METAP1: variants seen among roughly 807,000 people sequenced by gnomAD.
The protein encoded by METAP1 is methionine aminopeptidase 1.
METAP1 carries 28 observed loss-of-function variants against 53.8 expected under a neutral mutation model. That is an observed-to-expected ratio of 0.52 (90% CI 0.39 to 0.71). The LOEUF is 0.71. Ranked by LOEUF, METAP1 falls within the 30% of genes least tolerant of loss-of-function variation. The pLI, the probability that METAP1 is intolerant of heterozygous loss-of-function variation, is 0.00. For synonymous variants in METAP1, 181 were observed against 165.7 expected (o/e 1.09, Z -0.71); for missense variants, 389 against 479.8 (o/e 0.81, Z 1.77).
chr4:99,024,703 A>G (rs912558929), intron 1 of METAP1, among the ~76,000 whole-genome samples: 1 of 152,234 alleles, frequency 6.6e-6, no homozygotes, highest in Admixed American at 6.5e-5. Context: ...TGTAGCCTCC[A>G]GCTGCATGAC....
At chr4:99,009,805 C>T (rs1723380755) in intron 1 of METAP1, among the ~76,000 whole-genome samples, 1 of 152,184 alleles carries the variant, frequency 6.6e-6, no homozygotes. Flanking sequence ...CAAATCTTTT[C>T]TCCTATTCCA....
At chr4:99,033,726 G>A (rs1254382897) in intron 2 of METAP1, among the ~76,000 whole-genome samples, 1 of 152,200 alleles carries the variant, frequency 6.6e-6, no homozygotes, top group Non-Finnish European at 1.5e-5. Flanking sequence ...TGACTTGAAA[G>A]CAATTGATCA....
At chr4:99,039,111 T>A in intron 4 of METAP1, 1 of 282,266 alleles carries the variant, frequency 3.5e-6, no homozygotes, top group Non-Finnish European at 6.6e-6. Context: ...TGGCATATAA[T>A]AAGTACTCTA....
chr4:99,004,583 C>A (rs2110278149), intron 1 of METAP1, among the ~76,000 whole-genome samples: 1 of 152,180 alleles, frequency 6.6e-6, no homozygotes, highest in East Asian at 1.9e-4. Flanking sequence ...TACCTACCAT[C>A]TAACTTATTA....
intron 4 of METAP1, among the ~76,000 whole-genome samples, chr4:99,038,933 T>C (rs1193759168): frequency 6.6e-6 from 1 of 152,180 alleles, no homozygotes; most frequent in Non-Finnish European, 1.5e-5. Flanking sequence ...GGTCACAAAC[T>C]GGAGATTGAA....
intron 3 of METAP1, among the ~76,000 whole-genome samples, chr4:99,034,811 TATG>T (rs1437593889): frequency 6.6e-6 from 1 of 152,168 alleles, no homozygotes; most frequent in Non-Finnish European, 1.5e-5. Flanking sequence ...ATTATTTTAT[TATG>T]ATATATTTCT....
At chr4:99,018,267 T>C (rs1259587688) in intron 1 of METAP1, among the ~76,000 whole-genome samples, 1 of 152,236 alleles carries the variant, frequency 6.6e-6, no homozygotes, top group Non-Finnish European at 1.5e-5. Flanking sequence ...TTCTACATAT[T>C]GGAGCTCTTC....
chr4:99,002,706 CT>C (rs951825719), intron 1 of METAP1, among the ~76,000 whole-genome samples: 119 of 152,286 alleles, frequency 7.8e-4, no homozygotes, highest in African/African-American at 2.8e-3. Context: ...AGTAACCTGA[CT>C]TATTGCAAGG....
At chr4:99,035,580 T>C in intron 4 of METAP1, 120 bp downstream of exon 4, 1 of 716,680 alleles carries the variant, frequency 1.4e-6, no homozygotes. Context: ...AAATGTGTTT[T>C]CAAGCACCAT....
chr4:99,029,512 T>C (rs1724835714), intron 2 of METAP1, among the ~76,000 whole-genome samples: 1 of 152,224 alleles, frequency 6.6e-6, no homozygotes, highest in Non-Finnish European at 1.5e-5. Flanking sequence ...TAATTTATCC[T>C]GTAAATTCAT....
chr4:99,000,681 A>T (rs1722876240), intron 1 of METAP1, among the ~76,000 whole-genome samples: 1 of 150,566 alleles, frequency 6.6e-6, no homozygotes, highest in Admixed American at 6.6e-5. Flanking sequence ...TTTAAATAAC[A>T]AGACAGTTTT....
chr4:99,005,892 G>A, intron 1 of METAP1: 1 of 284,218 alleles, frequency 3.5e-6, no homozygotes, highest in Non-Finnish European at 7.0e-6. Flanking sequence ...CATTCGGAGT[G>A]GTATAATGGA....
chr4:99,050,564 C>T (rs1025652066), intron 9 of METAP1, among the ~76,000 whole-genome samples: 5 of 152,256 alleles, frequency 3.3e-5, no homozygotes, highest in African/African-American at 7.2e-5. Flanking sequence ...GCCCCTGGGC[C>T]GCAGACAGGT....
chr4:98,999,989 A>G (rs1157739689), intron 1 of METAP1, among the ~76,000 whole-genome samples: 3 of 152,196 alleles, frequency 2.0e-5, no homozygotes, highest in Non-Finnish European at 2.9e-5. Context: ...TTTTGAGGAC[A>G]GAGGGTGTGT....
chr4:99,057,661 T>G, intron 9 of METAP1, 92 bp from the exon 10 acceptor site: 1 of 879,596 alleles, frequency 1.1e-6, no homozygotes, highest in Non-Finnish European at 1.8e-6. Context: ...CAATCACTGA[T>G]GGGAATTTGA....
chr4:99,031,455 TC>T (rs2110338355), intron 2 of METAP1: 1 of 1,283,240 alleles, frequency 7.8e-7, no homozygotes, highest in Non-Finnish European at 1.0e-6. Flanking sequence ...GTAATACTTT[TC>T]CTTCCACTCC....
intron 1 of METAP1, among the ~76,000 whole-genome samples, chr4:98,999,458 T>TA (rs1203848479): frequency 1.1e-4 from 17 of 150,668 alleles, no homozygotes; most frequent in South Asian, 4.3e-4. Context: ...TTTTTATTGT[T>TA]ATACTGTTTT....
intron 9 of METAP1, among the ~76,000 whole-genome samples, chr4:99,054,925 A>G (rs1031002674): frequency 7.2e-5 from 11 of 152,184 alleles, no homozygotes; most frequent in Non-Finnish European, 1.0e-4. Flanking sequence ...ATCAAAGACC[A>G]TTGATCACAG....
chr4:99,018,664 G>A (rs1009372708), intron 1 of METAP1, among the ~76,000 whole-genome samples: 7 of 152,304 alleles, frequency 4.6e-5, no homozygotes, highest in East Asian at 1.9e-4. Flanking sequence ...TCATAGTAGC[G>A]TGAGTGGTTT....
Sources: allele counts gnomAD v4.1 joint callset (sites outside exome capture counted in the v4.1 genomes callset), GRCh38; gene constraint gnomAD v4.1.1; transcripts MANE v1.5; gene names NCBI Gene and HGNC (gene_info 2026-07-23, HGNC 2026-07-21).